The following FUT1 variants were observed in gnomAD, a reference collection of about 807,000 sequenced individuals.
FUT1 encodes fucosyltransferase 1 (H blood group).
For missense variants in FUT1, 476 were observed against 492.7 expected (o/e 0.97, Z 0.32); for synonymous variants, 215 against 208.7 (o/e 1.03, Z -0.26).
rs1211194652 is a variant in FUT1 at position 48,752,588 on chromosome 19, G to A, written c.-101C>T. 2 of 985,478 alleles carry A rather than the reference G, an allele frequency of 2.0e-6. No individual in the cohort carries two copies. Among genetic ancestry groups the A allele is most frequent in the Non-Finnish European group, 2.4e-6 (2 of 829,930 alleles). The allele number at this position is 985,478 out of a possible 1,614,324, so 61.0% of individuals were successfully genotyped here. ...ACATCCGGCCGCCCCTGGAACGCCA[G>A]GCGTCCGGCTATCCGGCCCGGCAGC... is the stretch of plus-strand genomic sequence containing the variant. On this transcript the variant is annotated 5_prime_UTR_variant, in exon 1 of 2. Transcript: ENST00000645652. The surrounding 1 kb of genome is among the most constrained non-coding windows in gnomAD (Gnocchi z 4.3).
At position 48,750,388 on chromosome 19, in the gene FUT1, T is replaced by C. The variant is rs564631800; in HGVS notation, c.894A>G (p.Thr298=). ...TGGTCATAATGGTGTGGTTGCACTG[T>C]GTGAGCAGGGCAAAGTCTTTCCACG... ...ATPWKDFALL[T]QCNHTIMTIG... is the part of the protein sequence containing the mutation. Residue 298 remains threonine, a synonymous_variant, in exon 2 of 2, where the codon ACA becomes ACG. Coordinates refer to ENST00000645652, the MANE Select transcript of FUT1 (RefSeq NM_001384359.1). 6.2e-7 allele frequency: 1 copy of C among 1,614,218 alleles called. No individual in the cohort carries two copies. Among genetic ancestry groups the C allele is most frequent in the African/African-American group, 1.3e-5 (1 of 75,066 alleles).
In FUT1 at chr19:48,750,059, C is replaced by T. The variant is rs1199682089; in HGVS notation, c.*125G>A. 4 of 1,151,310 alleles carry T rather than the reference C, an allele frequency of 3.5e-6. No homozygotes were observed. The highest frequency in any genetic ancestry group is 2.1e-5 in the Admixed American group (1 of 48,656). The allele number at this position is 1,151,310 out of a possible 1,614,324, so 71.3% of individuals were successfully genotyped here. On this transcript the variant is annotated 3_prime_UTR_variant, in exon 2 of 2. Transcript: ENST00000645652. ...TCTCCAACTCTCCCAACTAGAATCACTCTGGATACGGGCACCCATTTGCTT... is the reference window on the plus strand; with the variant it reads ...TCTCCAACTCTCCCAACTAGAATCATTCTGGATACGGGCACCCATTTGCTT...
rs1568490603 is a variant in FUT1, at chr19:48,750,674, C to T, written c.608G>A (p.Arg203His). Residue 203 changes from arginine (R) to histidine (H), a missense_variant, in exon 2 of 2, where the codon CGC becomes CAC. Coordinates refer to ENST00000645652, the MANE Select transcript of FUT1 (RefSeq NM_001384359.1). ...EEAQSVLGQL[R>H]LGRTGDRPRT... ...CGGGCGGTCCCCTGTGCGGCCCAGG[C>T]GGAGCTGACCCAGCACACTCTGCGC... The T allele has an allele frequency of 5.0e-6, 8 of 1,612,884 alleles. No individual in the cohort carries two copies. Among genetic ancestry groups the T allele is most frequent in the Non-Finnish European group, 6.8e-6 (8 of 1,179,970 alleles).
Position 48,752,598 on chromosome 19 carries a change from T to C in FUT1, c.-111A>G. ...GCCCCTGGAACGCCAGGCGTCCGGCTATCCGGCCCGGCAGCCCTCCCCTCC... is the reference window on the plus strand; with the variant it reads ...GCCCCTGGAACGCCAGGCGTCCGGCCATCCGGCCCGGCAGCCCTCCCCTCC... On this transcript the variant is annotated 5_prime_UTR_variant, in exon 1 of 2. In the 5' UTR this introduces an upstream ATG that the reference lacks. Coordinates refer to ENST00000645652, the MANE Select transcript of FUT1 (RefSeq NM_001384359.1). The surrounding 1 kb of genome is among the most constrained non-coding windows in gnomAD (Gnocchi z 4.3). The C allele has an allele frequency of 1.0e-6, 1 of 985,436 alleles. No homozygotes were observed. The highest frequency in any genetic ancestry group is 1.2e-6 in the Non-Finnish European group (1 of 829,912). The allele number at this position is 985,436 out of a possible 1,614,324, so 61.0% of individuals were successfully genotyped here. A position where few individuals can be genotyped will look rare whatever the true frequency, so the allele number is the denominator to read the frequency against.
chr19:48,753,723 G>A (rs1001292048), upstream of FUT1: 5 of 154,706 alleles, frequency 3.2e-5, no homozygotes, highest in Non-Finnish European at 7.3e-5. Flanking sequence ...GACAAGGGGG[G>A]GCAGGATAAG....
At chr19:48,751,758 C>A (rs2034006532) in intron 1 of FUT1, among the ~76,000 whole-genome samples, 1 of 152,142 alleles carries the variant, frequency 6.6e-6, no homozygotes, top group Non-Finnish European at 1.5e-5. Flanking sequence ...TCGAGACCAG[C>A]CTGACCAACG....
chr19:48,750,702 C>T lies in FUT1; in HGVS notation c.580G>A (p.Glu194Lys), dbSNP rs1193921269. 2 of 1,613,316 alleles carry T rather than the reference C, an allele frequency of 1.2e-6. No individual in the cohort carries two copies. Among genetic ancestry groups the T allele is most frequent in the Non-Finnish European group, 1.7e-6 (2 of 1,180,002 alleles). The part of the protein sequence containing the change: ...EFTLHDHLRE[E>K]AQSVLGQLRL... The stretch of plus-strand genomic sequence containing the variant: ...AGCTGACCCAGCACACTCTGCGCCT[C>T]TTCCCGAAGGTGGTCGTGCAGGGTG... The change falls in exon 2 of 2, where the codon GAG becomes AAG. Residue 194 changes from glutamate to lysine, a missense_variant. Glu to Lys is a moderately conservative substitution (Grantham distance 56). Transcript: ENST00000645652.
chr19:48,753,985 C>T (rs28745906), upstream of FUT1, among the ~76,000 whole-genome samples: 1 of 152,044 alleles, frequency 6.6e-6, no homozygotes, highest in Non-Finnish European at 1.5e-5. Flanking sequence ...GAGGTGGAGG[C>T]CATCCTGGCT....
rs1456899751 is a variant in FUT1 at position 48,752,437 on chromosome 19, A to T, written c.-3+53T>A. ...GTTGGGGGTGCACCTCCTGGTTCTG[A>T]AGGAGTTGTTCCTGGGTCCCAGGAA... On this transcript the variant is annotated intron_variant, in intron 1 of 1. Coordinates refer to ENST00000645652, the MANE Select transcript of FUT1 (RefSeq NM_001384359.1). This position sits in a 1 kb window ranked among gnomAD's most constrained non-coding sequence, Gnocchi z 4.3. 1.0e-6 allele frequency: 1 copy of T among 978,244 alleles called. No individual in the cohort carries two copies. The highest frequency in any genetic ancestry group is 6.2e-5 in the Admixed American group (1 of 16,244). The allele number at this position is 978,244 out of a possible 1,614,324, so 60.6% of individuals were successfully genotyped here. A position where few individuals can be genotyped will look rare whatever the true frequency, so the allele number is the denominator to read the frequency against.
rs2033958480 is a variant in FUT1 at position 48,749,319 on chromosome 19, A to AATAATTTT, written c.*864_*865insAAAATTAT. The AATAATTTT allele has an allele frequency of 3.2e-5, 3 of 94,072 alleles. No individual in the cohort carries two copies. Among genetic ancestry groups the AATAATTTT allele is most frequent in the Non-Finnish European group, 6.9e-5 (3 of 43,710 alleles). 5.8% of individuals were successfully genotyped at this position (94,072 alleles called of 1,614,324 possible). Reference sequence around the variant, plus strand: ...AAATAAATAAATAAATAAATAATTAAAAAAAAAATATCCGGGCTGGGCACA... The same window carrying AATAATTTT: ...AAATAAATAAATAAATAAATAATTAAATAATTTTAAAAAAAATATCCGGGCTGGGCACA... On this transcript the variant is annotated 3_prime_UTR_variant, in exon 2 of 2. Coordinates refer to ENST00000645652, the MANE Select transcript of FUT1 (RefSeq NM_001384359.1).
chr19:48,750,929 G>A lies in FUT1; in HGVS notation c.353C>T (p.Ala118Val). Reference protein sequence around the residue: ...RRAFILPAMHAALAPVFRITL... With the variant: ...RRAFILPAMHVALAPVFRITL... ...GATGCGGAATACCGGGGCCAGGGCG[G>A]CATGCATGGCAGGCAGGATAAAGGC... Residue 118 changes from alanine (A) to valine (V), a missense_variant, in exon 2 of 2, where the codon GCC becomes GTC. Ala to Val is a moderately conservative substitution (Grantham distance 64). Transcript: ENST00000645652. The A allele has an allele frequency of 6.2e-7, 1 of 1,610,926 alleles. No individual in the cohort carries two copies. The highest frequency in any genetic ancestry group is 8.5e-7 in the Non-Finnish European group (1 of 1,177,842).
chr19:48,754,565 T>A (rs1344155229), upstream of FUT1, among the ~76,000 whole-genome samples: 1 of 152,162 alleles, frequency 6.6e-6, no homozygotes, highest in Non-Finnish European at 1.5e-5. Context: ...CCTGACCCTA[T>A]ACCCACCGGT....
upstream of FUT1, among the ~76,000 whole-genome samples, chr19:48,754,176 A>G (rs1293617885): frequency 1.5e-5 from 2 of 133,262 alleles, no homozygotes; most frequent in Non-Finnish European, 3.1e-5. Flanking sequence ...ACAGAGCGAG[A>G]CTCCGCCTCA....
chr19:48,752,886 G>C, upstream of FUT1: 1 of 985,552 alleles, frequency 1.0e-6, no homozygotes, highest in South Asian at 4.7e-5. The surrounding 1 kb of genome is among the most constrained non-coding windows in gnomAD (Gnocchi z 4.3). Context: ...ACCCAGGGCA[G>C]GCTACCTGGC....
Position 48,750,614 on chromosome 19 carries a change from T to G in FUT1, c.668A>C (p.Asp223Ala), listed in dbSNP as rs756157363. 6.2e-7 allele frequency: 1 copy of G among 1,611,414 alleles called. No homozygotes were observed. The highest frequency in any genetic ancestry group is 1.1e-5 in the South Asian group (1 of 91,076). Reference protein sequence around the residue: ...TFVGVHVRRGDYLQVMPQRWK... With the variant: ...TFVGVHVRRGAYLQVMPQRWK... Reference sequence around the variant, plus strand: ...GCGCTGAGGCATAACCTGCAGATAGTCCCCACGGCGCACGTGGACGCCGAC... The same window carrying G: ...GCGCTGAGGCATAACCTGCAGATAGGCCCCACGGCGCACGTGGACGCCGAC... The change falls in exon 2 of 2, where the codon GAC (aspartate) becomes GCC (alanine). Residue 223 changes from aspartate to alanine, a missense_variant. Asp to Ala is a moderately radical substitution (Grantham distance 126, BLOSUM62 -2). Coordinates refer to ENST00000645652, the MANE Select transcript of FUT1 (RefSeq NM_001384359.1).
rs1555768031 is a variant in FUT1 at position 48,750,902 on chromosome 19, G to T, written c.380C>A (p.Thr127Asn). The T allele has an allele frequency of 1.2e-6, 2 of 1,613,424 alleles. No individual in the cohort carries two copies. The highest frequency in any genetic ancestry group is 1.7e-5 in the Admixed American group (1 of 60,024). The stretch of plus-strand genomic sequence containing the variant: ...CACTTCTGGGGCCAGCACGGGCAGG[G>T]TGATGCGGAATACCGGGGCCAGGGC... ...HAALAPVFRI[T>N]LPVLAPEVDS... Residue 127 changes from threonine to asparagine, a missense_variant, in exon 2 of 2, where the codon ACC becomes AAC. Coordinates refer to ENST00000645652, the MANE Select transcript of FUT1 (RefSeq NM_001384359.1).
rs71179040 is a variant in FUT1 at position 48,752,109 on chromosome 19, TAAAAAAA to T, written c.-3+374_-3+380del. On this transcript the variant is annotated intron_variant, in intron 1 of 1. Coordinates refer to ENST00000645652, the MANE Select transcript of FUT1 (RefSeq NM_001384359.1). This position sits in a 1 kb window ranked among gnomAD's most constrained non-coding sequence, Gnocchi z 4.3. The stretch of plus-strand genomic sequence containing the variant: ...TGCGCGACAGAGAGGGACCCTGTCT[TAAAAAAA>T]AAAAAAAAAAAAAAAAAAGAAAGTG... Among the ~76,000 whole-genome samples, 2,986 of 100,156 alleles carry T rather than the reference TAAAAAAA, an allele frequency of 0.03. 54 individuals carry two copies. The highest frequency in any genetic ancestry group is 0.043 in the Non-Finnish European group (2,259 of 52,546). 65.7% of individuals were successfully genotyped at this position (100,156 alleles called of 152,430 possible).
At chr19:48,754,135 G>C (rs940558054), upstream of FUT1, among the ~76,000 whole-genome samples, 7 of 148,614 alleles carry the variant, frequency 4.7e-5, no homozygotes, top group Admixed American at 4.8e-4. Context: ...GCAGTGAGCC[G>C]AGATCACGCC....
chr19:48,752,997 G>A, upstream of FUT1: 2 of 748,494 alleles, frequency 2.7e-6, no homozygotes, highest in Non-Finnish European at 3.3e-6. The surrounding 1 kb of genome is among the most constrained non-coding windows in gnomAD (Gnocchi z 4.3). Flanking sequence ...CTCTTCCGGT[G>A]CCAGGGCTTA....
Sources: gnomAD v4.1 joint callset for allele counts (sites outside exome capture counted in the v4.1 genomes callset) on GRCh38, gnomAD v4.1.1 for gene constraint, Gnocchi (gnomAD v3.1) non-coding constraint, MANE v1.5 for transcripts, NCBI Gene and HGNC (gene_info 2026-07-23, HGNC 2026-07-21) for gene names.